Variants in COL25A1 observed in about 807,000 individuals in gnomAD.
The protein encoded by COL25A1 is collagen type XXV alpha 1 chain.
COL25A1 carries 103 observed loss-of-function variants against 128.4 expected under a neutral mutation model. The ratio of observed to expected loss-of-function variants is 0.80; its 90% CI spans 0.68 to 0.94. The LOEUF (loss-of-function observed/expected upper bound fraction) is 0.94. Ranked by LOEUF, COL25A1 falls within the 40% of genes least tolerant of loss-of-function variation. The pLI, the probability that COL25A1 is intolerant of heterozygous loss-of-function variation, is 0.00. For missense variants in COL25A1, 745 were observed against 840.0 expected, an observed-to-expected ratio of 0.89 and a Z score of 1.40; for synonymous variants, 279 against 277.2, an observed-to-expected ratio of 1.01 and a Z score of -0.06.
intron 3 of COL25A1, among the ~76,000 whole-genome samples, chr4:109,134,599 A>C (rs1192251520): frequency 2.6e-5 from 4 of 152,114 alleles, no homozygotes; most frequent in African/African-American, 9.7e-5. Context: ...GTGTTTGGGG[A>C]AGAAAAAGCT....
chr4:108,994,272 A>C (rs1057393149), intron 6 of COL25A1, among the ~76,000 whole-genome samples: 1 of 152,234 alleles, frequency 6.6e-6, no homozygotes, highest in African/African-American at 2.4e-5. Flanking sequence ...CTTTTCCCAC[A>C]GTCTTAACAA....
At chr4:109,145,843 A>G (rs528310837) in intron 3 of COL25A1, among the ~76,000 whole-genome samples, 28 of 152,326 alleles carry the variant, frequency 1.8e-4, no homozygotes, top group African/African-American at 6.7e-4. Flanking sequence ...TTCCATCTCA[A>G]AAAAATAAAA....
Position 108,812,867 on chromosome 4 carries a change from A to G in COL25A1, c.*1060T>C, listed in dbSNP as rs1360714120. ...CTCAGAACATGTTATTTCTTCAGCA[A>G]CCCAAGTTTTGGTGGGATGGACATC... On this transcript the variant is annotated 3_prime_UTR_variant, in exon 38 of 38. Transcript: ENST00000399132. 2 of 152,168 alleles carry G rather than the reference A, an allele frequency of 1.3e-5. No homozygotes were observed. Among genetic ancestry groups the G allele is most frequent in the Admixed American group, 1.3e-4 (2 of 15,282 alleles). 9.4% of individuals were successfully genotyped at this position (152,168 alleles called of 1,614,324 possible). A position where few individuals can be genotyped will look rare whatever the true frequency, so the allele number is the denominator to read the frequency against.
chr4:108,983,226 A>AAAG, intron 6 of COL25A1, among the ~76,000 whole-genome samples: 1 of 152,282 alleles, frequency 6.6e-6, no homozygotes, highest in Non-Finnish European at 1.5e-5. Context: ...AAATAAAATG[A>AAAG]ACTCCATGGT....
In COL25A1 at chr4:109,267,630, T is replaced by C. The variant is rs367925144; in HGVS notation, c.367+32953A>G. ...GGATAACATCGTACATGTTGAATCA[T>C]CCCTAATCCAAAAATCTGAAATCTG... is the stretch of plus-strand genomic sequence containing the variant. On this transcript the variant is annotated intron_variant, in intron 3 of 37. Coordinates refer to ENST00000399132, the MANE Select transcript of COL25A1 (RefSeq NM_198721.4). 1.8e-3 allele frequency among the ~76,000 whole-genome samples: 271 copies of C among 152,262 alleles called. 1 individual carries two copies. The highest frequency in any genetic ancestry group is 3.1e-3 in the Non-Finnish European group (212 of 67,988).
chr4:108,907,120 G>A (rs1044679765), intron 13 of COL25A1, among the ~76,000 whole-genome samples: 11 of 152,286 alleles, frequency 7.2e-5, no homozygotes, highest in Middle Eastern at 3.4e-3. Context: ...AGTTCAGTCC[G>A]AATCACTAGG....
intron 3 of COL25A1, among the ~76,000 whole-genome samples, chr4:109,239,394 G>GTGTGTATA (rs1491198097): frequency 1.8e-4 from 21 of 116,508 alleles, no homozygotes; most frequent in African/African-American, 7.5e-4. Flanking sequence ...GTGTGTGTGT[G>GTGTGTATA]TATATATATA....
At chr4:109,270,514 G>A (rs1481098474) in intron 3 of COL25A1, among the ~76,000 whole-genome samples, 1 of 152,070 alleles carries the variant, frequency 6.6e-6, no homozygotes, top group Non-Finnish European at 1.5e-5. Flanking sequence ...AACTTACAAG[G>A]GATGTGAAAG....
intron 3 of COL25A1, among the ~76,000 whole-genome samples, chr4:109,118,696 A>G (rs1212738549): frequency 1.3e-5 from 2 of 152,024 alleles, no homozygotes; most frequent in African/African-American, 4.8e-5. Context: ...CTTAATGTGT[A>G]TGTGCCCAAC....
intron 6 of COL25A1, among the ~76,000 whole-genome samples, chr4:108,998,709 A>T (rs2126024826): frequency 6.6e-6 from 1 of 152,360 alleles, no homozygotes; most frequent in Non-Finnish European, 1.5e-5. Context: ...ACCTGACTTC[A>T]AACTATACTA....
At chr4:109,126,591 T>C (rs897626372) in intron 3 of COL25A1, among the ~76,000 whole-genome samples, 1 of 152,186 alleles carries the variant, frequency 6.6e-6, no homozygotes, top group Non-Finnish European at 1.5e-5. Flanking sequence ...GAAGCCAGAT[T>C]ATAACAGATA....
intron 11 of COL25A1, among the ~76,000 whole-genome samples, chr4:108,930,945 TTTC>T (rs1302017166): frequency 6.6e-6 from 1 of 152,204 alleles, no homozygotes; most frequent in Non-Finnish European, 1.5e-5. Context: ...TTTTTAAAAA[TTTC>T]TTCTTTATCT....
At chr4:109,138,598 C>T (rs1770046187) in intron 3 of COL25A1, among the ~76,000 whole-genome samples, 1 of 152,232 alleles carries the variant, frequency 6.6e-6, no homozygotes, top group South Asian at 2.1e-4. Flanking sequence ...TTTACACTCC[C>T]ACCAACAGTG....
chr4:109,065,547 T>C (rs73838527), intron 3 of COL25A1, among the ~76,000 whole-genome samples: 25,142 of 68,708 alleles, frequency 0.37, 2,438 homozygotes, highest in Admixed American at 0.51. Flanking sequence ...CGCGCGCGCG[T>C]GTGTGTGTGT....
intron 3 of COL25A1, among the ~76,000 whole-genome samples, chr4:109,093,031 T>C (rs1025806893): frequency 1.3e-5 from 2 of 150,270 alleles, no homozygotes; most frequent in Non-Finnish European, 3.0e-5. Context: ...TACAGTCACT[T>C]TTTTTTTTAT....
intron 3 of COL25A1, among the ~76,000 whole-genome samples, chr4:109,264,018 G>T (rs55759368): frequency 0.22 from 33,270 of 152,044 alleles, 4,230 homozygotes; most frequent in Middle Eastern, 0.31. Context: ...ATAACAAGAA[G>T]TAACAAAAAA....
At chr4:109,197,372 TATATATA>T (rs1433475112) in intron 3 of COL25A1, among the ~76,000 whole-genome samples, 11 of 128,896 alleles carry the variant, frequency 8.5e-5, no homozygotes, top group Non-Finnish European at 1.4e-4. Context: ...AAATATATAA[TATATATA>T]ATATATAATC....
chr4:109,290,858 G>A (rs1029343713), intron 3 of COL25A1, among the ~76,000 whole-genome samples: 4 of 152,120 alleles, frequency 2.6e-5, no homozygotes, highest in South Asian at 2.1e-4. Context: ...GCAGCCTGCA[G>A]GGACATGGGT....
intron 3 of COL25A1, among the ~76,000 whole-genome samples, chr4:109,269,821 T>C (rs923022968): frequency 3.3e-5 from 5 of 152,138 alleles, no homozygotes; most frequent in African/African-American, 1.2e-4. Context: ...AATTCCTCAA[T>C]AAAATACTGG....
Sources: allele counts gnomAD v4.1 joint callset (sites outside exome capture counted in the v4.1 genomes callset), GRCh38; gene constraint gnomAD v4.1.1; transcripts MANE v1.5; gene names NCBI Gene and HGNC (gene_info 2026-07-23, HGNC 2026-07-21).